The following QTRT2 variants were observed in gnomAD, a reference collection of about 807,000 sequenced individuals.
The protein encoded by QTRT2 is queuine tRNA-ribosyltransferase domain containing 1.
QTRT2 carries 32 observed loss-of-function variants against 44.8 expected under a neutral mutation model. The observed-to-expected ratio is 0.71, with a 90% confidence interval of 0.54 to 0.96. The LOEUF (loss-of-function observed/expected upper bound fraction) is 0.96, where lower values mean the gene tolerates loss of function less well. Ranked by LOEUF, QTRT2 falls within the 40% of genes least tolerant of loss-of-function variation. The pLI is 0.00. For synonymous variants in QTRT2, 182 were observed against 187.4 expected (o/e 0.97, Z 0.24); for missense variants, 461 against 503.1 (o/e 0.92, Z 0.80).
In QTRT2 at chr3:114,086,329, G is replaced by A. The variant is rs1304756386; in HGVS notation, c.*425G>A. ...GTTGATTTGAGAAGAAATCTGGCTG[G>A]TTTGAGGGTTTCCTTTAGTTCACCC... On this transcript the variant is annotated 3_prime_UTR_variant, in exon 10 of 10. Transcript: ENST00000281273. 1 of 195,990 alleles carries A rather than the reference G, an allele frequency of 5.1e-6. No homozygotes were observed. Among genetic ancestry groups the A allele is most frequent in the East Asian group, 1.2e-4 (1 of 8,470 alleles). The allele number at this position is 195,990 out of a possible 1,614,324, so 12.1% of individuals were successfully genotyped here.
intron 2 of QTRT2, 62 bp downstream of exon 2, chr3:114,057,168 C>A: frequency 1.1e-6 from 1 of 890,300 alleles, no homozygotes; most frequent in Non-Finnish European, 1.5e-6. Context: ...CGTCTTCAAT[C>A]TCTGAGCCAG....
Position 114,086,773 on chromosome 3 carries a change from A to G in QTRT2, c.*869A>G, listed in dbSNP as rs745383911. The G allele has an allele frequency of 2.6e-5, 4 of 152,330 alleles. No individual in the cohort carries two copies. Among genetic ancestry groups the G allele is most frequent in the Non-Finnish European group, 4.4e-5 (3 of 68,102 alleles). 9.4% of individuals were successfully genotyped at this position (152,330 alleles called of 1,614,324 possible). On this transcript the variant is annotated 3_prime_UTR_variant, in exon 10 of 10. Coordinates refer to ENST00000281273, the MANE Select transcript of QTRT2 (RefSeq NM_024638.4). ...GGGTTAGTCTCCATCCTGCTCAGAT[A>G]TGACTCCTGGGCAATTCACTTAACT...
chr3:114,073,642 A>G (rs1222362031), intron 6 of QTRT2, among the ~76,000 whole-genome samples: 1 of 152,062 alleles, frequency 6.6e-6, no homozygotes, highest in Non-Finnish European at 1.5e-5. Context: ...GCCTCCCCGA[A>G]TGCTGGGATT....
At chr3:114,064,098 T>C (rs531092892) in intron 2 of QTRT2, among the ~76,000 whole-genome samples, 20 of 151,752 alleles carry the variant, frequency 1.3e-4, no homozygotes, top group Non-Finnish European at 2.7e-4. Flanking sequence ...ACCTGTAATC[T>C]CAACTACTTG....
intron 8 of QTRT2, among the ~76,000 whole-genome samples, chr3:114,080,444 AAT>A (rs2077152572): frequency 6.6e-6 from 1 of 152,180 alleles, no homozygotes; most frequent in African/African-American, 2.4e-5. Flanking sequence ...ATGCTATTAA[AAT>A]ACAGGGAGAC....
chr3:114,075,334 T>G (rs2077074871), intron 6 of QTRT2, among the ~76,000 whole-genome samples: 1 of 152,218 alleles, frequency 6.6e-6, no homozygotes, highest in Non-Finnish European at 1.5e-5. Context: ...CATTTATTTG[T>G]TTGAATTTCA....
At chr3:114,082,344 A>G (rs1174735545) in intron 8 of QTRT2, among the ~76,000 whole-genome samples, 2 of 151,872 alleles carry the variant, frequency 1.3e-5, no homozygotes, top group African/African-American at 2.4e-5. Flanking sequence ...TAGCTTCCCA[A>G]AGTTTTGGGA....
At position 114,057,158 on chromosome 3, in the gene QTRT2, C is replaced by T. The variant is rs1013755183; in HGVS notation, c.-22+52C>T. The T allele has an allele frequency of 4.1e-6, 4 of 969,188 alleles. No homozygotes were observed. In the East Asian group the frequency reaches 1.7e-4, roughly 41 times the overall value. The allele number at this position is 969,188 out of a possible 1,614,324, so 60.0% of individuals were successfully genotyped here. ...CGAACTGCCCATGGGAGGGTGGGAC[C>T]GTCTTCAATCTCTGAGCCAGGTGCC... On this transcript the variant is annotated intron_variant, in intron 2 of 9. Transcript: ENST00000281273.
chr3:114,069,142 G>A (rs2076992163), intron 5 of QTRT2, among the ~76,000 whole-genome samples: 3 of 151,420 alleles, frequency 2.0e-5, no homozygotes. Flanking sequence ...TGATGCCTTA[G>A]TATAAAATAA....
At chr3:114,081,723 C>A (rs2077167897) in intron 8 of QTRT2, among the ~76,000 whole-genome samples, 1 of 152,124 alleles carries the variant, frequency 6.6e-6, no homozygotes, top group Admixed American at 6.6e-5. Flanking sequence ...CAGGCATGAG[C>A]CACTGCGGCC....
intron 4 of QTRT2, among the ~76,000 whole-genome samples, chr3:114,066,719 G>A (rs2076958640): frequency 6.6e-6 from 1 of 152,180 alleles, no homozygotes; most frequent in Non-Finnish European, 1.5e-5. Context: ...TCAAGGAAGA[G>A]TAAAAGTTAC....
chr3:114,087,729 G>A lies in QTRT2; in HGVS notation c.*1825G>A, dbSNP rs565640377. ...TGCTTGGTTTCTGGGGAGGCCTCCGGAAGCTTATAGTCATGACAGAAGGTG... is the reference window on the plus strand; with the variant it reads ...TGCTTGGTTTCTGGGGAGGCCTCCGAAAGCTTATAGTCATGACAGAAGGTG... On this transcript the variant is annotated 3_prime_UTR_variant, in exon 10 of 10. Transcript: ENST00000281273. The A allele has an allele frequency of 2.0e-5, 3 of 152,346 alleles. No homozygotes were observed. Among genetic ancestry groups the A allele is most frequent in the Middle Eastern group, 6.7e-3 (2 of 298 alleles). 9.4% of individuals were successfully genotyped at this position (152,346 alleles called of 1,614,324 possible).
chr3:114,085,870 A>G lies in QTRT2; in HGVS notation c.1214A>G (p.Gln405Arg). Residue 405 changes from glutamine to arginine, a missense_variant, in exon 10 of 10, where the codon CAG becomes CGG. Coordinates refer to ENST00000281273, the MANE Select transcript of QTRT2 (RefSeq NM_024638.4). ...REALKSDKLA[Q>R]LKELIHRQAS is the part of the protein sequence containing the mutation. ...GCACTAAAAAGTGACAAACTGGCAC[A>G]GTTGAAAGAGCTCATCCACAGGCAA... is the stretch of plus-strand genomic sequence containing the variant. 6.2e-7 allele frequency: 1 copy of G among 1,614,198 alleles called. No homozygotes were observed.
chr3:114,056,926 C>T, intron 1 of QTRT2, 62 bp downstream of exon 1: 1 of 1,521,316 alleles, frequency 6.6e-7, no homozygotes, highest in Non-Finnish European at 8.8e-7. Context: ...CACGTCGCGT[C>T]CAGACGCTTC....
At chr3:114,075,968 T>C (rs2077085802) in intron 6 of QTRT2, among the ~76,000 whole-genome samples, 3 of 152,208 alleles carry the variant, frequency 2.0e-5, no homozygotes, top group East Asian at 1.9e-4. Context: ...GTTTTTAAAA[T>C]GGATGGTGTG....
intron 2 of QTRT2, 113 bp downstream of exon 2, chr3:114,057,219 G>A (rs2076808635): frequency 6.1e-6 from 2 of 326,602 alleles, no homozygotes; most frequent in Non-Finnish European, 1.0e-5. Flanking sequence ...GGCCCATGGA[G>A]CAAAGATAAA....
chr3:114,074,658 CAG>C (rs1209459443), intron 6 of QTRT2, among the ~76,000 whole-genome samples: 1 of 152,218 alleles, frequency 6.6e-6, no homozygotes, highest in East Asian at 1.9e-4. Context: ...TCTCTCTTCA[CAG>C]TGTTCCAGGC....
chr3:114,088,412 A>G lies in QTRT2; in HGVS notation c.*2508A>G, dbSNP rs1169203300. 1.3e-5 allele frequency: 2 copies of G among 152,058 alleles called. No homozygotes were observed. The highest frequency in any genetic ancestry group is 4.8e-5 in the African/African-American group (2 of 41,454). The allele number at this position is 152,058 out of a possible 1,614,324, so 9.4% of individuals were successfully genotyped here. A position where few individuals can be genotyped will look rare whatever the true frequency, so the allele number is the denominator to read the frequency against. On this transcript the variant is annotated 3_prime_UTR_variant, in exon 10 of 10. Transcript: ENST00000281273. The stretch of plus-strand genomic sequence containing the variant: ...GTTAAACAAAATATTAAATTTCCAT[A>G]GTACCAGAAATGTTGTAGAGATTTC...
rs147893369 is a variant in QTRT2 at position 114,070,778 on chromosome 3, G to A, written c.486G>A (p.Lys162=). The change falls in exon 6 of 10, where the codon AAG becomes AAA. Residue 162 remains lysine (K), a synonymous_variant. Transcript: ENST00000281273. ...KEATSIKRVR[K]SVDRSLLFLD... ...CAACTTCCATAAAAAGGGTCAGAAA[G>A]TCTGTTGACCGATCACTTCTTTTCT... 1 of 1,614,072 alleles carries A rather than the reference G, an allele frequency of 6.2e-7. No individual in the cohort carries two copies. The highest frequency in any genetic ancestry group is 8.5e-7 in the Non-Finnish European group (1 of 1,179,984).
Sources: gnomAD v4.1 joint callset for allele counts (sites outside exome capture counted in the v4.1 genomes callset) on GRCh38, gnomAD v4.1.1 for gene constraint, MANE v1.5 for transcripts, NCBI Gene and HGNC (gene_info 2026-07-23, HGNC 2026-07-21) for gene names.